NEUROG2: variants seen among roughly 807,000 people sequenced by gnomAD.
NEUROG2 encodes the protein neurogenin-2.
A neutral mutation model predicts 2.8 loss-of-function variants in NEUROG2; 1 was observed. That is an observed-to-expected ratio of 0.36 (90% CI 0.13 to 1.71). NEUROG2 has a LOEUF of 1.71. NEUROG2 is among the 40% of genes most tolerant of loss of function. The pLI is 0.34. For missense variants in NEUROG2, 397 were observed against 392.7 expected (o/e 1.01, Z -0.09); for synonymous variants, 211 against 187.7 (o/e 1.12, Z -1.01).
Position 112,514,166 on chromosome 4 carries a change from A to G in NEUROG2, c.*491T>C, listed in dbSNP as rs1736371225. 6.5e-6 allele frequency: 1 copy of G among 154,998 alleles called. No individual in the cohort carries two copies. The highest frequency in any genetic ancestry group is 1.4e-5 in the Non-Finnish European group (1 of 69,746). 9.6% of individuals were successfully genotyped at this position (154,998 alleles called of 1,614,324 possible). On this transcript the variant is annotated 3_prime_UTR_variant, in exon 2 of 2. Transcript: ENST00000313341. ...CAAATCTGTGGATAATATTATTACC[A>G]GCAAAATCATTCAGATGCTAAGATA...
At position 112,515,289 on chromosome 4, in the gene NEUROG2, C is replaced by G; in HGVS notation, c.187G>C (p.Ala63Pro). Residue 63 changes from alanine (A) to proline (P), a missense_variant, in exon 2 of 2, where the codon GCG becomes CCG. Ala to Pro is a conservative substitution (Grantham distance 27). Coordinates refer to ENST00000313341, the MANE Select transcript of NEUROG2 (RefSeq NM_024019.4). ...RQRGAEAGQG[A>P]RGGVAAGAEG... ...GCACCCGCAGCCACGCCGCCCCGCG[C>G]CCCCTGCCCGGCCTCAGCCCCGCGC... 6.7e-7 allele frequency: 1 copy of G among 1,481,820 alleles called. No homozygotes were observed. Among genetic ancestry groups the G allele is most frequent in the Non-Finnish European group, 8.9e-7 (1 of 1,126,800 alleles). The allele number at this position is 1,481,820 out of a possible 1,614,324, so 91.8% of individuals were successfully genotyped here. A position where few individuals can be genotyped will look rare whatever the true frequency, so the allele number is the denominator to read the frequency against.
Position 112,514,873 on chromosome 4 carries a change from C to G in NEUROG2, c.603G>C (p.Leu201=), listed in dbSNP as rs765571484. Residue 201 remains leucine, a synonymous_variant, in exon 2 of 2, where the codon CTG becomes CTC. Coordinates refer to ENST00000313341, the MANE Select transcript of NEUROG2 (RefSeq NM_024019.4). ...LLSPGGASAA[L]SSSGDSPSPA... Reference sequence around the variant, plus strand: ...GCGAGGGGCTGTCTCCGCTGCTGCTCAGGGCGGCGCTGGCTCCTCCCGGGC... The same window carrying G: ...GCGAGGGGCTGTCTCCGCTGCTGCTGAGGGCGGCGCTGGCTCCTCCCGGGC... 1.5e-5 allele frequency: 24 copies of G among 1,600,494 alleles called. No homozygotes were observed. The highest frequency in any genetic ancestry group is 2.0e-5 in the Non-Finnish European group (24 of 1,175,776).
Position 112,515,411 on chromosome 4 carries a change from G to A in NEUROG2, c.65C>T (p.Ser22Leu). The stretch of plus-strand genomic sequence containing the variant: ...CAGGGCCGCCAAGGCGGGGGAGGCC[G>A]ATCCGAGCAGCACTAACACGTCCTC... ...EEEDVLVLLG[S>L]ASPALAALTP... Residue 22 changes from serine to leucine, a missense_variant, in exon 2 of 2, where the codon TCG (serine) becomes TTG (leucine). Ser to Leu is a moderately radical substitution (Grantham distance 145). Transcript: ENST00000313341. The A allele has an allele frequency of 1.3e-6, 2 of 1,525,100 alleles. No individual in the cohort carries two copies. The highest frequency in any genetic ancestry group is 1.7e-6 in the Non-Finnish European group (2 of 1,147,794). The allele number at this position is 1,525,100 out of a possible 1,614,324, so 94.5% of individuals were successfully genotyped here.
At chr4:112,515,517 G>A (rs745422469) in intron 1 of NEUROG2, 41 bp from the exon 2 acceptor site, 21 of 1,473,806 alleles carry the variant, frequency 1.4e-5, no homozygotes, top group Non-Finnish European at 1.9e-5. Context: ...TGAGGTGTAA[G>A]GAAAGAAACA....
chr4:112,515,686 C>T, intron 1 of NEUROG2, 161 bp downstream of exon 1: 1 of 388,792 alleles, frequency 2.6e-6, no homozygotes. Context: ...TGCCAGTCAG[C>T]CGGGTCCTGC....
In NEUROG2 at chr4:112,515,309, C is replaced by G. The variant is rs771137125; in HGVS notation, c.167G>C (p.Gly56Ala). 5.0e-6 allele frequency: 7 copies of G among 1,411,810 alleles called. No homozygotes were observed. The highest frequency in any genetic ancestry group is 6.4e-6 in the Non-Finnish European group (7 of 1,090,918). The allele number at this position is 1,411,810 out of a possible 1,614,324, so 87.5% of individuals were successfully genotyped here. A position where few individuals can be genotyped will look rare whatever the true frequency, so the allele number is the denominator to read the frequency against. The part of the protein sequence containing the change: ...GASGGARRQR[G>A]AEAGQGARGG... ...CCGCGCCCCCTGCCCGGCCTCAGCCCCGCGCTGCCGACGCGCCCCGCCTGA... is the reference window on the plus strand; with the variant it reads ...CCGCGCCCCCTGCCCGGCCTCAGCCGCGCGCTGCCGACGCGCCCCGCCTGA... The change falls in exon 2 of 2, where the codon GGG (glycine) becomes GCG (alanine). Residue 56 changes from glycine (G) to alanine (A), a missense_variant. Gly to Ala is a moderately conservative substitution (Grantham distance 60). Coordinates refer to ENST00000313341, the MANE Select transcript of NEUROG2 (RefSeq NM_024019.4).
At position 112,515,309 on chromosome 4, in the gene NEUROG2, C is replaced by T; in HGVS notation, c.167G>A (p.Gly56Glu). 3 of 1,411,810 alleles carry T rather than the reference C, an allele frequency of 2.1e-6. No homozygotes were observed. The highest frequency in any genetic ancestry group is 2.7e-6 in the Non-Finnish European group (3 of 1,090,918). The allele number at this position is 1,411,810 out of a possible 1,614,324, so 87.5% of individuals were successfully genotyped here. A position where few individuals can be genotyped will look rare whatever the true frequency, so the allele number is the denominator to read the frequency against. The change falls in exon 2 of 2, where the codon GGG becomes GAG. Residue 56 changes from glycine to glutamate, a missense_variant. By Grantham distance (98) the Gly-to-Glu change is moderately conservative (BLOSUM62 -2). Transcript: ENST00000313341. The stretch of plus-strand genomic sequence containing the variant: ...CCGCGCCCCCTGCCCGGCCTCAGCC[C>T]CGCGCTGCCGACGCGCCCCGCCTGA... ...GASGGARRQR[G>E]AEAGQGARGG...
chr4:112,515,390 G>C lies in NEUROG2; in HGVS notation c.86C>G (p.Ala29Gly), dbSNP rs147645578. 1.3e-6 allele frequency: 2 copies of C among 1,525,684 alleles called. No individual in the cohort carries two copies. Among genetic ancestry groups the C allele is most frequent in the Admixed American group, 4.1e-5 (2 of 48,318 alleles). 94.5% of individuals were successfully genotyped at this position (1,525,684 alleles called of 1,614,324 possible). A position where few individuals can be genotyped will look rare whatever the true frequency, so the allele number is the denominator to read the frequency against. ...GGCGCTGGATGACAGCGGGGTCAGG[G>C]CCGCCAAGGCGGGGGAGGCCGATCC... ...LLGSASPALA[A>G]LTPLSSSADE... Residue 29 changes from alanine (A) to glycine (G), a missense_variant, in exon 2 of 2, where the codon GCC becomes GGC. Transcript: ENST00000313341.
chr4:112,514,252 A>C lies in NEUROG2; in HGVS notation c.*405T>G, dbSNP rs1736373220. 1 of 191,862 alleles carries C rather than the reference A, an allele frequency of 5.2e-6. No individual in the cohort carries two copies. The highest frequency in any genetic ancestry group is 1.1e-5 in the Non-Finnish European group (1 of 94,638). The allele number at this position is 191,862 out of a possible 1,614,324, so 11.9% of individuals were successfully genotyped here. Reference sequence around the variant, plus strand: ...GAAGCAAAGGTGAAGAGATCACAGGAACCAGTTGCATTCCCCCTGTGAGAT... The same window carrying C: ...GAAGCAAAGGTGAAGAGATCACAGGCACCAGTTGCATTCCCCCTGTGAGAT... On this transcript the variant is annotated 3_prime_UTR_variant, in exon 2 of 2. Transcript: ENST00000313341.
rs200389595 is a variant in NEUROG2, at chr4:112,515,328, C to G, written c.148G>C (p.Gly50Arg). Residue 50 changes from glycine to arginine, a missense_variant, in exon 2 of 2, where the codon GGG becomes CGG. Transcript: ENST00000313341. ...EEEEEPGASG[G>R]ARRQRGAEAG... ...TCAGCCCCGCGCTGCCGACGCGCCC[C>G]GCCTGACGCGCCCGGCTCCTCCTCC... 2 of 1,436,292 alleles carry G rather than the reference C, an allele frequency of 1.4e-6. No individual in the cohort carries two copies. The highest frequency in any genetic ancestry group is 2.8e-5 in the East Asian group (1 of 35,974). 89.0% of individuals were successfully genotyped at this position (1,436,292 alleles called of 1,614,324 possible).
In NEUROG2 at chr4:112,515,778, T is replaced by A. The variant is rs370213035; in HGVS notation, c.-2+69A>T. The A allele has an allele frequency of 4.9e-5, 12 of 244,336 alleles. No individual in the cohort carries two copies. In the East Asian group the frequency reaches 8.9e-4, roughly 18 times the overall value. The allele number at this position is 244,336 out of a possible 1,614,324, so 15.1% of individuals were successfully genotyped here. Reference sequence around the variant, plus strand: ...AAGATTCTGCGCGGAGCAGAGGGCGTGCGGGTGTGGTTGGACTGAGTGCGG... The same window carrying A: ...AAGATTCTGCGCGGAGCAGAGGGCGAGCGGGTGTGGTTGGACTGAGTGCGG... On this transcript the variant is annotated intron_variant, in intron 1 of 1. Coordinates refer to ENST00000313341, the MANE Select transcript of NEUROG2 (RefSeq NM_024019.4).
chr4:112,515,339 C>T lies in NEUROG2; in HGVS notation c.137G>A (p.Gly46Asp), dbSNP rs779247528. ...SADEEEEEEP[G>D]ASGGARRQRG... The stretch of plus-strand genomic sequence containing the variant: ...CTGCCGACGCGCCCCGCCTGACGCG[C>T]CCGGCTCCTCCTCCTCTTCTTCGTC... Residue 46 changes from glycine (G) to aspartate (D), a missense_variant, in exon 2 of 2, where the codon GGC (glycine) becomes GAC (aspartate). Coordinates refer to ENST00000313341, the MANE Select transcript of NEUROG2 (RefSeq NM_024019.4). 1 of 1,453,670 alleles carries T rather than the reference C, an allele frequency of 6.9e-7. No individual in the cohort carries two copies. Among genetic ancestry groups the T allele is most frequent in the African/African-American group, 1.5e-5 (1 of 68,890 alleles). 90.0% of individuals were successfully genotyped at this position (1,453,670 alleles called of 1,614,324 possible). A position where few individuals can be genotyped will look rare whatever the true frequency, so the allele number is the denominator to read the frequency against.
chr4:112,515,595 GC>G (rs1736423975), intron 1 of NEUROG2, 119 bp from the exon 2 acceptor site: 1 of 825,052 alleles, frequency 1.2e-6, no homozygotes, highest in East Asian at 3.1e-5. Context: ...TCCGAATGGC[GC>G]GGAGCAGGAA....
Position 112,515,470 on chromosome 4 carries a change from G to C in NEUROG2, c.6C>G (p.Phe2Leu). The change falls in exon 2 of 2, where the codon TTC (phenylalanine) becomes TTG (leucine). Residue 2 changes from phenylalanine (F) to leucine (L), a missense_variant. Coordinates refer to ENST00000313341, the MANE Select transcript of NEUROG2 (RefSeq NM_024019.4). M[F>L]VKSETLELKE... is the part of the protein sequence containing the mutation. ...TCAACTCCAAGGTCTCGGATTTGAC[G>C]AACATCCTACCGAAGAGAGAAAGGG... The C allele has an allele frequency of 6.6e-7, 1 of 1,519,352 alleles. No homozygotes were observed. The highest frequency in any genetic ancestry group is 8.7e-7 in the Non-Finnish European group (1 of 1,147,228). The allele number at this position is 1,519,352 out of a possible 1,614,324, so 94.1% of individuals were successfully genotyped here.
At chr4:112,515,603 G>A in intron 1 of NEUROG2, 127 bp from the exon 2 acceptor site, 1 of 695,264 alleles carries the variant, frequency 1.4e-6, no homozygotes, top group Non-Finnish European at 2.1e-6. Context: ...GCGCGGAGCA[G>A]GAAGGCGAAG....
Position 112,514,747 on chromosome 4 carries a change from C to G in NEUROG2, c.729G>C (p.Pro243=), listed in dbSNP as rs987156632. 4.6e-6 allele frequency: 7 copies of G among 1,531,082 alleles called. No individual in the cohort carries two copies. The highest frequency in any genetic ancestry group is 1.3e-5 in the South Asian group (1 of 76,276). 94.8% of individuals were successfully genotyped at this position (1,531,082 alleles called of 1,614,324 possible). A position where few individuals can be genotyped will look rare whatever the true frequency, so the allele number is the denominator to read the frequency against. Residue 243 remains proline (P), a synonymous_variant, in exon 2 of 2, where the codon CCG becomes CCC. Coordinates refer to ENST00000313341, the MANE Select transcript of NEUROG2 (RefSeq NM_024019.4). ...GCCAATAGTCCATGTCTGACCCGGC[C>G]GGGCTGGCGGGCGATAAAGTGCAGC... ...PYSCTLSPAS[P]AGSDMDYWQP...
Position 112,515,373 on chromosome 4 carries a change from A to G in NEUROG2, c.103T>C (p.Ser35Pro). Reference sequence around the variant, plus strand: ...TCCTCCTCTTCTTCGTCGGCGCTGGATGACAGCGGGGTCAGGGCCGCCAAG... The same window carrying G: ...TCCTCCTCTTCTTCGTCGGCGCTGGGTGACAGCGGGGTCAGGGCCGCCAAG... Reference protein sequence around the residue: ...PALAALTPLSSSADEEEEEEP... With the variant: ...PALAALTPLSPSADEEEEEEP... Residue 35 changes from serine (S) to proline (P), a missense_variant, in exon 2 of 2, where the codon TCC becomes CCC. Coordinates refer to ENST00000313341, the MANE Select transcript of NEUROG2 (RefSeq NM_024019.4). The G allele has an allele frequency of 6.6e-7, 1 of 1,517,414 alleles. No individual in the cohort carries two copies. The highest frequency in any genetic ancestry group is 1.3e-5 in the South Asian group (1 of 79,376). The allele number at this position is 1,517,414 out of a possible 1,614,324, so 94.0% of individuals were successfully genotyped here. A position where few individuals can be genotyped will look rare whatever the true frequency, so the allele number is the denominator to read the frequency against.
At position 112,514,775 on chromosome 4, in the gene NEUROG2, T is replaced by G; in HGVS notation, c.701A>C (p.Tyr234Ser). The G allele has an allele frequency of 6.5e-7, 1 of 1,546,076 alleles. No individual in the cohort carries two copies. The highest frequency in any genetic ancestry group is 8.7e-7 in the Non-Finnish European group (1 of 1,151,600). The change falls in exon 2 of 2, where the codon TAC becomes TCC. Residue 234 changes from tyrosine to serine, a missense_variant. Tyr to Ser is a moderately radical substitution (Grantham distance 144). Coordinates refer to ENST00000313341, the MANE Select transcript of NEUROG2 (RefSeq NM_024019.4). ...GCTGGCGGGCGATAAAGTGCAGCTG[T>G]AGGGGGAGGTGGAATTGGAGGACAC... ...SSVSSNSTSP[Y>S]SCTLSPASPA...
chr4:112,515,526 C>G (rs771549270), intron 1 of NEUROG2, 50 bp from the exon 2 acceptor site: 8 of 1,448,094 alleles, frequency 5.5e-6, no homozygotes, highest in Non-Finnish European at 7.3e-6. Flanking sequence ...AGGAAAGAAA[C>G]AGAGGCGCGA....
Sources: gnomAD v4.1 joint callset for allele counts on GRCh38, gnomAD v4.1.1 for gene constraint, MANE v1.5 for transcripts, NCBI Gene and HGNC (gene_info 2026-07-23, HGNC 2026-07-21) for gene names.